PAQR5: variants seen among roughly 807,000 people sequenced by gnomAD.
PAQR5 encodes progestin and adipoQ receptor family member 5.
In PAQR5, 20 loss-of-function variants were observed where a neutral mutation model predicts 34.5. The ratio of observed to expected loss-of-function variants is 0.58; its 90% confidence interval spans 0.41 to 0.84. The LOEUF (loss-of-function observed/expected upper bound fraction) is 0.84, where lower values mean the gene tolerates loss of function less well. Among genes scored for constraint, PAQR5 ranks in the 40% least tolerant of loss-of-function variants. The pLI is 0.00. For missense variants in PAQR5, 378 were observed against 412.7 expected, an observed-to-expected ratio of 0.92 and a Z score of 0.73; for synonymous variants, 131 against 155.6, an observed-to-expected ratio of 0.84 and a Z score of 1.18.
intron 1 of PAQR5, among the ~76,000 whole-genome samples, chr15:69,307,948 A>G (rs1172816049): frequency 6.6e-6 from 1 of 152,206 alleles, no homozygotes; most frequent in Non-Finnish European, 1.5e-5. Context: ...AGGAGTGGAT[A>G]AACTTGGGCC....
chr15:69,306,621 T>A (rs888585934), intron 1 of PAQR5, among the ~76,000 whole-genome samples: 1 of 152,040 alleles, frequency 6.6e-6, no homozygotes, highest in African/African-American at 2.4e-5. Flanking sequence ...GCCAGGATGG[T>A]CTCAATCTCT....
intron 3 of PAQR5, among the ~76,000 whole-genome samples, chr15:69,363,914 A>G (rs1237510538): frequency 6.6e-6 from 1 of 152,106 alleles, no homozygotes; most frequent in African/African-American, 2.4e-5. Context: ...AACACATCCC[A>G]TAGTCCCAGA....
rs1048282122 is a variant in PAQR5, at chr15:69,406,175, T to C, written c.*2353T>C. On this transcript the variant is annotated 3_prime_UTR_variant, in exon 9 of 9. Coordinates refer to ENST00000395407, the MANE Select transcript of PAQR5 (RefSeq NM_017705.4). ...TGTGACACATTCCCATTGGTAACAATTGCTCACCATGGCATTGTCTCAAAA... is the reference window on the plus strand; with the variant it reads ...TGTGACACATTCCCATTGGTAACAACTGCTCACCATGGCATTGTCTCAAAA... The C allele has an allele frequency of 6.6e-6, 1 of 152,264 alleles. No individual in the cohort carries two copies. The highest frequency in any genetic ancestry group is 2.4e-5 in the African/African-American group (1 of 41,552). The allele number at this position is 152,264 out of a possible 1,614,324, so 9.4% of individuals were successfully genotyped here. A position where few individuals can be genotyped will look rare whatever the true frequency, so the allele number is the denominator to read the frequency against.
chr15:69,334,951 G>C (rs558258266), intron 1 of PAQR5, among the ~76,000 whole-genome samples: 2 of 152,208 alleles, frequency 1.3e-5, no homozygotes, highest in South Asian at 2.1e-4. Flanking sequence ...GGCTGGGCGC[G>C]GTGGCTCACG....
chr15:69,305,523 C>G (rs576419064), intron 1 of PAQR5, among the ~76,000 whole-genome samples: 83 of 152,108 alleles, frequency 5.5e-4, no homozygotes, highest in Admixed American at 3.3e-3. Flanking sequence ...TGGGGCGAGG[C>G]TCGGAGTGAG....
At chr15:69,319,397 C>T (rs1373949893) in intron 1 of PAQR5, among the ~76,000 whole-genome samples, 2 of 151,316 alleles carry the variant, frequency 1.3e-5, no homozygotes, top group South Asian at 2.1e-4. Flanking sequence ...AGTGTCTTGT[C>T]TCCCAAACGG....
intron 7 of PAQR5, chr15:69,397,923 CCTGA>C (rs1313263157): frequency 7.1e-5 from 18 of 251,976 alleles, no homozygotes; most frequent in African/African-American, 4.0e-4. Flanking sequence ...GCACAGAGGC[CCTGA>C]CTGACAATAT....
At chr15:69,305,536 G>A (rs755478781) in intron 1 of PAQR5, among the ~76,000 whole-genome samples, 1 of 152,118 alleles carries the variant, frequency 6.6e-6, no homozygotes, top group Non-Finnish European at 1.5e-5. Flanking sequence ...GGAGTGAGGG[G>A]GAGAGAGGCC....
At position 69,403,626 on chromosome 15, in the gene PAQR5, A is replaced by ACATGCAG; in HGVS notation, c.798_804dup (p.Met269HisfsTer61). ...CACGTGTGTGTGATCCTGGCCACGCACATGCAGATGGAAGCCATACTTCTG... is the reference window on the plus strand; with the variant it reads ...CACGTGTGTGTGATCCTGGCCACGCACATGCAGCATGCAGATGGAAGCCATACTTCTG... On this transcript the variant is annotated frameshift_variant, in exon 9 of 9. Coordinates refer to ENST00000395407, the MANE Select transcript of PAQR5 (RefSeq NM_017705.4). LOFTEE classifies it high-confidence loss of function. 11 of 1,614,120 alleles carry ACATGCAG rather than the reference A, an allele frequency of 6.8e-6. No individual in the cohort carries two copies. The highest frequency in any genetic ancestry group is 9.3e-6 in the Non-Finnish European group (11 of 1,180,008).
At chr15:69,308,105 C>A (rs192082119) in intron 1 of PAQR5, among the ~76,000 whole-genome samples, 152 of 152,242 alleles carry the variant, frequency 1.0e-3, no homozygotes, top group Non-Finnish European at 1.6e-3. Context: ...CATCAGATGA[C>A]CTGGAGGGCC....
chr15:69,364,575 C>G (rs1248170724), intron 3 of PAQR5, among the ~76,000 whole-genome samples: 2 of 128,956 alleles, frequency 1.6e-5, no homozygotes, highest in Non-Finnish European at 3.1e-5. Context: ...TGATAGCAGG[C>G]ATCTTTGTAT....
intron 6 of PAQR5, chr15:69,392,168 A>G (rs11634850): frequency 1 from 164,510 of 165,044 alleles, 81,989 homozygotes; most frequent in Middle Eastern, 1. Flanking sequence ...AGTAGAGACA[A>G]GGTTTCGCCA....
At chr15:69,374,999 A>G (rs1435014652) in intron 3 of PAQR5, among the ~76,000 whole-genome samples, 7 of 152,184 alleles carry the variant, frequency 4.6e-5, no homozygotes, top group African/African-American at 1.7e-4. Context: ...CACTGCAGTA[A>G]GGTGCCCAGG....
At chr15:69,306,099 C>A (rs2053710112) in intron 1 of PAQR5, among the ~76,000 whole-genome samples, 2 of 152,072 alleles carry the variant, frequency 1.3e-5, no homozygotes, top group Non-Finnish European at 1.5e-5. Context: ...AGAGGGAAGA[C>A]ATGGCTGTCA....
intron 3 of PAQR5, among the ~76,000 whole-genome samples, chr15:69,372,733 G>A (rs1481982468): frequency 6.6e-6 from 1 of 152,138 alleles, no homozygotes; most frequent in Non-Finnish European, 1.5e-5. Flanking sequence ...TGTAAGCGAT[G>A]TTTTATGTTC....
chr15:69,402,289 G>A (rs1595956149), intron 8 of PAQR5, among the ~76,000 whole-genome samples: 1 of 151,718 alleles, frequency 6.6e-6, no homozygotes, highest in East Asian at 1.9e-4. Context: ...TCTTGTATAC[G>A]TGCATGTCTG....
chr15:69,359,803 T>G, intron 2 of PAQR5, 163 bp from the exon 3 acceptor site: 1 of 371,210 alleles, frequency 2.7e-6, no homozygotes. Context: ...ACTCTTGGAG[T>G]GGATGACTCA....
Position 69,363,539 on chromosome 15 carries a change from T to G in PAQR5, c.51+3408T>G, listed in dbSNP as rs1168856235. On this transcript the variant is annotated intron_variant, in intron 3 of 8. Transcript: ENST00000395407. ...TCGAGTGTCAAATTGCTAATCTGTT[T>G]TTTGTTTTTGTTTTTTTTTTTTTTT... 1.6e-4 allele frequency among the ~76,000 whole-genome samples: 4 copies of G among 24,502 alleles called. 1 individual carries two copies. The highest frequency in any genetic ancestry group is 3.5e-4 in the Non-Finnish European group (2 of 5,780). The allele number at this position is 24,502 out of a possible 152,430, so 16.1% of individuals were successfully genotyped here. A position where few individuals can be genotyped will look rare whatever the true frequency, so the allele number is the denominator to read the frequency against.
intron 1 of PAQR5, among the ~76,000 whole-genome samples, chr15:69,333,376 A>T (rs997587340): frequency 3.9e-5 from 6 of 152,172 alleles, no homozygotes; most frequent in African/African-American, 1.4e-4. Context: ...GAAATTACTT[A>T]TTATGAGAGA....
Sources: gnomAD v4.1 joint callset for allele counts (sites outside exome capture counted in the v4.1 genomes callset) on GRCh38, gnomAD v4.1.1 for gene constraint, MANE v1.5 for transcripts, NCBI Gene and HGNC (gene_info 2026-07-23, HGNC 2026-07-21) for gene names.